Variants in TENM1 observed in about 807,000 individuals in gnomAD.
TENM1 encodes teneurin transmembrane protein 1.
TENM1 carries 35 observed loss-of-function variants against 174.8 expected under a neutral mutation model. That is an observed-to-expected ratio of 0.20 (90% CI 0.15 to 0.27). The LOEUF (loss-of-function observed/expected upper bound fraction) is 0.27, where lower values mean the gene tolerates loss of function less well. Among genes scored for constraint, TENM1 ranks in the 10% least tolerant of loss-of-function variants. TENM1 has a pLI of 1.00. For missense variants in TENM1, 1,633 were observed against 2,130.1 expected (o/e 0.77, Z 4.59); for synonymous variants, 781 against 798.7 (o/e 0.98, Z 0.37).
At chrX:125,028,848 G>C in the TENM1 span, among the ~76,000 whole-genome samples, 1 of 111,453 alleles carries the variant, frequency 9.0e-6, no homozygotes, top group African/African-American at 3.3e-5. Flanking sequence ...GGGGACATAA[G>C]AAGTTTCAGC....
chrX:124,451,896 T>C (rs918442772), intron 23 of TENM1, among the ~76,000 whole-genome samples: 1 of 112,162 alleles, frequency 8.9e-6, no homozygotes, highest in Non-Finnish European at 1.9e-5. Context: ...GACTTAAATG[T>C]TAGACCTAAA....
chrX:124,620,201 C>T (rs1295213575), intron 11 of TENM1, among the ~76,000 whole-genome samples: 2 of 111,756 alleles, frequency 1.8e-5, no homozygotes, highest in East Asian at 5.6e-4. Flanking sequence ...TATCTTAAAG[C>T]TTTTCAAGTA....
At chrX:124,981,956 T>TAAAAAA in the TENM1 span, among the ~76,000 whole-genome samples, 1 of 26,734 alleles carries the variant, frequency 3.7e-5, no homozygotes, top group Non-Finnish European at 5.6e-5. Context: ...TAGAGTATAA[T>TAAAAAA]AAAAAAAAAA....
intron 11 of TENM1, among the ~76,000 whole-genome samples, chrX:124,634,636 G>C (rs2050836720): frequency 8.9e-6 from 1 of 111,752 alleles, no homozygotes; most frequent in Non-Finnish European, 1.9e-5. Context: ...GTGTACACAT[G>C]AATCATTTCA....
chrX:125,115,646 A>G, the TENM1 span, among the ~76,000 whole-genome samples: 1 of 111,311 alleles, frequency 9.0e-6, no homozygotes, highest in South Asian at 3.8e-4. Flanking sequence ...CAATTGCTAC[A>G]AAGAGAATAA....
At chrX:124,833,150 A>C (rs1308338181) in intron 3 of TENM1, among the ~76,000 whole-genome samples, 1 of 112,125 alleles carries the variant, frequency 8.9e-6, no homozygotes, top group Non-Finnish European at 1.9e-5. Context: ...ATACAGGAGA[A>C]AGTTGAACTT....
At chrX:125,054,152 G>T in the TENM1 span, among the ~76,000 whole-genome samples, 1 of 110,535 alleles carries the variant, frequency 9.0e-6, no homozygotes, top group Non-Finnish European at 1.9e-5. Context: ...TTTCTGCACA[G>T]GATTGTAACT....
chrX:124,789,872 A>AT (rs1321980810), intron 3 of TENM1, among the ~76,000 whole-genome samples: 1 of 111,359 alleles, frequency 9.0e-6, no homozygotes, highest in African/African-American at 3.3e-5. Context: ...ATTTTTAGGT[A>AT]TTTTTTTCAG....
At chrX:124,810,244 G>A (rs1247823787) in intron 3 of TENM1, among the ~76,000 whole-genome samples, 2 of 111,327 alleles carry the variant, frequency 1.8e-5, no homozygotes, top group African/African-American at 6.5e-5. Context: ...TAAATAAAAG[G>A]CATCCAAATT....
chrX:124,679,828 C>CT (rs2052188624), intron 5 of TENM1, among the ~76,000 whole-genome samples: 1 of 111,602 alleles, frequency 9.0e-6, no homozygotes, highest in African/African-American at 3.2e-5. Flanking sequence ...CAACTTTTCT[C>CT]TTTTTTTCCT....
the TENM1 span, among the ~76,000 whole-genome samples, chrX:124,989,840 T>C: frequency 9.0e-6 from 1 of 111,715 alleles, no homozygotes; most frequent in Non-Finnish European, 1.9e-5. Context: ...TTCTGGTGTA[T>C]ACTTTGTGTT....
At chrX:124,927,583 G>A (rs1049444620) in intron 1 of TENM1, among the ~76,000 whole-genome samples, 5 of 111,812 alleles carry the variant, frequency 4.5e-5, no homozygotes, top group African/African-American at 1.6e-4. Flanking sequence ...GACTATATGA[G>A]GGGGGAAGAG....
chrX:124,539,332 G>A (rs755279080), intron 15 of TENM1, among the ~76,000 whole-genome samples: 164 of 111,383 alleles, frequency 1.5e-3, no homozygotes, highest in Middle Eastern at 4.7e-3. Flanking sequence ...GGGCCACTCT[G>A]TGTAAAATGG....
In TENM1 at chrX:124,722,839, C is replaced by CAAA. The variant is rs761441453; in HGVS notation, c.776+14115_776+14117dup. Reference sequence around the variant, plus strand: ...TGGGCGACAGAGAGAGACTCCGTCTCAAAAAAAAAAAAAAAAAAAAAAAAA... The same window carrying CAAA: ...TGGGCGACAGAGAGAGACTCCGTCTCAAAAAAAAAAAAAAAAAAAAAAAAAAAA... On this transcript the variant is annotated intron_variant, in intron 4 of 31. Transcript: ENST00000422452. 1.9e-3 allele frequency among the ~76,000 whole-genome samples: 46 copies of CAAA among 24,723 alleles called. 2 individuals are homozygous for CAAA. The highest frequency in any genetic ancestry group is 5.7e-3 in the African/African-American group (42 of 7,349). The allele number at this position is 24,723 out of a possible 115,157, so 21.5% of individuals were successfully genotyped here.
chrX:124,421,615 T>A, intron 24 of TENM1, among the ~76,000 whole-genome samples: 1 of 31,330 alleles, frequency 3.2e-5, no homozygotes, highest in African/African-American at 7.4e-5. Flanking sequence ...GAGAAGGCTC[T>A]TTTTTTTTTT....
the TENM1 span, among the ~76,000 whole-genome samples, chrX:125,032,375 G>A: frequency 9.1e-6 from 1 of 110,184 alleles, no homozygotes; most frequent in Admixed American, 9.8e-5. Flanking sequence ...TTACTATGTT[G>A]GTCAGGCTGG....
At chrX:124,638,836 C>G (rs982123223) in intron 11 of TENM1, among the ~76,000 whole-genome samples, 1 of 111,436 alleles carries the variant, frequency 9.0e-6, no homozygotes, top group African/African-American at 3.3e-5. Flanking sequence ...TATGTCTTTT[C>G]TCTCTCAGTT....
At chrX:125,188,192 G>C in the TENM1 span, among the ~76,000 whole-genome samples, 1 of 110,179 alleles carries the variant, frequency 9.1e-6, no homozygotes. Flanking sequence ...TATTAGCCAG[G>C]CATTGTGCTG....
exon 2 of TENM1, chrX:124,896,209 A>G: frequency 8.3e-7 from 1 of 1,211,318 alleles, no homozygotes; most frequent in Non-Finnish European, 1.1e-6. Flanking sequence ...TAGCCAGAGC[A>G]CAGAGTGTGA....
Sources: gnomAD v4.1 joint callset for allele counts (sites outside exome capture counted in the v4.1 genomes callset) on GRCh38, gnomAD v4.1.1 for gene constraint, MANE v1.5 for transcripts, NCBI Gene and HGNC (gene_info 2026-07-23, HGNC 2026-07-21) for gene names.